KIAA1549L: variants seen among roughly 807,000 people sequenced by gnomAD.
KIAA1549L encodes the protein UPF0606 protein KIAA1549L.
Under a neutral mutation model 160.7 loss-of-function variants are expected in KIAA1549L, and 88 were observed. The observed-to-expected ratio is 0.55, with a 90% CI of 0.46 to 0.65. The LOEUF (loss-of-function observed/expected upper bound fraction) is 0.65. KIAA1549L is among the 30% of genes least tolerant of loss of function. KIAA1549L has a pLI of 0.00. For missense variants in KIAA1549L, 2,258 were observed against 2,437.5 expected, an observed-to-expected ratio of 0.93 and a Z score of 1.55; for synonymous variants, 950 against 976.7, an observed-to-expected ratio of 0.97 and a Z score of 0.51.
At chr11:33,616,584 T>C (rs984095448) in intron 15 of KIAA1549L, among the ~76,000 whole-genome samples, 1 of 152,226 alleles carries the variant, frequency 6.6e-6, no homozygotes, top group African/African-American at 2.4e-5. Context: ...GTATAAGCTC[T>C]TCATGGTGAA....
chr11:33,411,030 T>C (rs560816641), intron 1 of KIAA1549L, among the ~76,000 whole-genome samples: 6 of 150,978 alleles, frequency 4.0e-5, no homozygotes, highest in Admixed American at 2.6e-4. Context: ...TTTAGGGGAG[T>C]GGAGCAGGCA....
At chr11:33,476,606 G>A (rs1349216018) in intron 1 of KIAA1549L, among the ~76,000 whole-genome samples, 3 of 152,016 alleles carry the variant, frequency 2.0e-5, no homozygotes, top group Non-Finnish European at 2.9e-5. Context: ...ACCTCTCTTC[G>A]TAGCTCCTAC....
chr11:33,590,812 A>T (rs1028089164), intron 11 of KIAA1549L, among the ~76,000 whole-genome samples: 1 of 152,234 alleles, frequency 6.6e-6, no homozygotes, highest in African/African-American at 2.4e-5. Context: ...CACATGTGCT[A>T]TTACACATAA....
At chr11:33,558,869 T>C (rs1590342891) in intron 6 of KIAA1549L, among the ~76,000 whole-genome samples, 1 of 151,650 alleles carries the variant, frequency 6.6e-6, no homozygotes, top group Admixed American at 6.6e-5. Context: ...AATCTTGCTC[T>C]GTCTCCCAGG....
intron 20 of KIAA1549L, among the ~76,000 whole-genome samples, chr11:33,661,836 C>T (rs1309050456): frequency 2.9e-5 from 4 of 138,174 alleles, no homozygotes; most frequent in East Asian, 2.2e-4. Flanking sequence ...GCCAAGATCG[C>T]GCCACTCCAC....
chr11:33,472,979 G>C (rs1590270833), intron 1 of KIAA1549L, among the ~76,000 whole-genome samples: 2 of 152,158 alleles, frequency 1.3e-5, no homozygotes, highest in South Asian at 2.1e-4. Context: ...GGGCTGCTTT[G>C]AAGGCAGCCA....
In KIAA1549L at chr11:33,542,981, C is replaced by T. The variant is rs746941422; in HGVS notation, c.1418C>T (p.Ser473Phe). The T allele has an allele frequency of 6.2e-7, 1 of 1,614,022 alleles. No homozygotes were observed. Among genetic ancestry groups the T allele is most frequent in the South Asian group, 1.1e-5 (1 of 91,086 alleles). Residue 473 changes from serine to phenylalanine, a missense_variant, in exon 2 of 21, where the codon TCT becomes TTT. This residue lies in a region of KIAA1549L where 540 missense variants were observed against 465.7 expected (regional missense o/e 1.16). Coordinates refer to ENST00000658780, the MANE Select transcript of KIAA1549L (RefSeq NM_012194.3). ...SAEHTSSLVPSLHITTLGQEQ... is the reference protein window; with the variant it reads ...SAEHTSSLVPFLHITTLGQEQ... ...GAACACACCTCTTCTTTGGTGCCTT[C>T]TCTGCATATCACCACACTGGGTCAA...
At chr11:33,586,334 G>C (rs1441529623) in intron 11 of KIAA1549L, among the ~76,000 whole-genome samples, 1 of 152,184 alleles carries the variant, frequency 6.6e-6, no homozygotes, top group African/African-American at 2.4e-5. Context: ...GCCGAGACCA[G>C]AGTATGGATA....
intron 1 of KIAA1549L, among the ~76,000 whole-genome samples, chr11:33,472,171 G>A (rs972682769): frequency 6.8e-6 from 1 of 147,768 alleles, no homozygotes; most frequent in Non-Finnish European, 1.5e-5. Flanking sequence ...ACCTTGCTGC[G>A]TTACCTAGAC....
intron 17 of KIAA1549L, among the ~76,000 whole-genome samples, chr11:33,647,998 T>C (rs1851773618): frequency 6.6e-6 from 1 of 152,152 alleles, no homozygotes; most frequent in Non-Finnish European, 1.5e-5. Context: ...TTCTTTTCTT[T>C]TCTTTTCTGA....
chr11:33,429,261 C>T (rs1321682686), intron 1 of KIAA1549L, among the ~76,000 whole-genome samples: 6 of 152,314 alleles, frequency 3.9e-5, no homozygotes, highest in Non-Finnish European at 5.9e-5. Context: ...TGTGAGCCAC[C>T]GTTCCCAGCC....
intron 17 of KIAA1549L, among the ~76,000 whole-genome samples, chr11:33,648,690 C>G (rs1489228737): frequency 6.6e-6 from 1 of 151,742 alleles, no homozygotes; most frequent in African/African-American, 2.4e-5. Context: ...TACCCGTTAA[C>G]TCTGTGAAGA....
intron 6 of KIAA1549L, among the ~76,000 whole-genome samples, chr11:33,554,215 A>G (rs1302538665): frequency 6.6e-6 from 1 of 152,170 alleles, no homozygotes; most frequent in Non-Finnish European, 1.5e-5. Context: ...TGGATAATAT[A>G]TAATTTGTAA....
intron 16 of KIAA1549L, among the ~76,000 whole-genome samples, chr11:33,644,293 G>A (rs1277943667): frequency 2.0e-5 from 3 of 152,132 alleles, no homozygotes; most frequent in Non-Finnish European, 2.9e-5. Flanking sequence ...CTTTGCTAAT[G>A]AGCATGTATT....
At chr11:33,474,952 C>T (rs891072457) in intron 1 of KIAA1549L, among the ~76,000 whole-genome samples, 11 of 152,142 alleles carry the variant, frequency 7.2e-5, no homozygotes, top group African/African-American at 1.4e-4. Context: ...TAAACTCACA[C>T]GGGAATATCC....
chr11:33,413,438 TAAAA>T (rs11342768), intron 1 of KIAA1549L, among the ~76,000 whole-genome samples: 34 of 139,610 alleles, frequency 2.4e-4, no homozygotes, highest in Non-Finnish European at 3.8e-4. Flanking sequence ...ACCCTGTCTT[TAAAA>T]AAAAAAAAAA....
chr11:33,495,740 C>T (rs1169957053), intron 1 of KIAA1549L, among the ~76,000 whole-genome samples: 1 of 151,986 alleles, frequency 6.6e-6, no homozygotes, highest in Non-Finnish European at 1.5e-5. Context: ...TACAGTCCCA[C>T]CAACAGTGTA....
intron 16 of KIAA1549L, among the ~76,000 whole-genome samples, chr11:33,627,506 A>C (rs1278931741): frequency 2.6e-5 from 4 of 151,962 alleles, no homozygotes; most frequent in Non-Finnish European, 5.9e-5. Context: ...GTGTCGAGGA[A>C]TTTATCCATT....
Position 33,542,544 on chromosome 11 carries a change from GC to G in KIAA1549L, c.982del (p.Leu328CysfsTer18). 6.2e-7 allele frequency: 1 copy of G among 1,613,962 alleles called. No individual in the cohort carries two copies. The highest frequency in any genetic ancestry group is 8.5e-7 in the Non-Finnish European group (1 of 1,179,892). On this transcript the variant is annotated frameshift_variant, in exon 2 of 21. Transcript: ENST00000658780. LOFTEE classifies it high-confidence loss of function. ...SGSSTKWHSE[L>X]SPTEGPHSAG... The stretch of plus-strand genomic sequence containing the variant: ...GATCCTCAACAAAATGGCATTCCGA[GC>G]TGTCCCCAACAGAGGGTCCCCATTC...
Sources: gnomAD v4.1 joint callset for allele counts (sites outside exome capture counted in the v4.1 genomes callset) on GRCh38, gnomAD v4.1.1 for gene constraint, gnomAD v4.1.1 regional missense constraint, MANE v1.5 for transcripts, NCBI Gene and HGNC (gene_info 2026-07-23, HGNC 2026-07-21) for gene names.